MECOM: variants seen among roughly 807,000 people sequenced by gnomAD.
MECOM encodes the protein MDS1 and EVI1 complex locus, also known as histone-lysine N-methyltransferase MECOM.
In MECOM, 13 loss-of-function variants were observed where a neutral mutation model predicts 116.3. The ratio of observed to expected loss-of-function variants is 0.11; its 90% CI spans 0.07 to 0.18. MECOM has a LOEUF of 0.18. MECOM is among the 10% of genes least tolerant of loss of function. The pLI is 1.00. For missense variants in MECOM, 1,299 were observed against 1,509.0 expected (o/e 0.86, Z 2.31); for synonymous variants, 528 against 535.2 (o/e 0.99, Z 0.19).
chr3:169,576,838 C>CAGAGAGAGAGAGAG (rs59983835), intron 1 of MECOM, among the ~76,000 whole-genome samples: 18 of 125,012 alleles, frequency 1.4e-4, no homozygotes, highest in Non-Finnish European at 2.9e-4. Flanking sequence ...CACACACACA[C>CAGAGAGAGAGAGAG]AGAGAGAGAG....
At chr3:169,559,045 C>T (rs12490624) in intron 1 of MECOM, among the ~76,000 whole-genome samples, 2,130 of 129,570 alleles carry the variant, frequency 0.016, 25 homozygotes, top group South Asian at 0.041. Flanking sequence ...CACACACACG[C>T]GCACACACAC....
intron 2 of MECOM, among the ~76,000 whole-genome samples, chr3:169,166,613 C>T (rs1367413757): frequency 1.3e-5 from 2 of 151,870 alleles, no homozygotes; most frequent in East Asian, 1.9e-4. Context: ...AAAACAGAGA[C>T]AGAATATTGT....
intron 8 of MECOM, among the ~76,000 whole-genome samples, chr3:169,114,529 C>T (rs1448644691): frequency 1.3e-5 from 2 of 152,238 alleles, no homozygotes; most frequent in East Asian, 1.9e-4. Context: ...TATGAAAATA[C>T]TCCGATGTTA....
intron 1 of MECOM, among the ~76,000 whole-genome samples, chr3:169,541,284 C>T (rs903111110): frequency 2.6e-5 from 4 of 152,196 alleles, no homozygotes; most frequent in Non-Finnish European, 5.9e-5. Flanking sequence ...TAGTTGAGAA[C>T]TGAGAACTGT....
At chr3:169,614,926 T>G (rs1348639385) in intron 1 of MECOM, 7 of 152,250 alleles carry the variant, frequency 4.6e-5, no homozygotes, top group Non-Finnish European at 1.0e-4. Flanking sequence ...GCTGCTAAGT[T>G]CAAGTCCTTC....
intron 7 of MECOM, among the ~76,000 whole-genome samples, chr3:169,117,466 A>G (rs1729535580): frequency 1.3e-5 from 2 of 152,208 alleles, no homozygotes; most frequent in African/African-American, 2.4e-5. Flanking sequence ...GCTGGTTCCC[A>G]TGAACTATGA....
At chr3:169,368,704 G>C (rs1729591109) in intron 2 of MECOM, among the ~76,000 whole-genome samples, 1 of 151,964 alleles carries the variant, frequency 6.6e-6, no homozygotes, top group Non-Finnish European at 1.5e-5. Flanking sequence ...TCTCAATTAA[G>C]TATTCTAGAA....
intron 2 of MECOM, among the ~76,000 whole-genome samples, chr3:169,292,786 G>A (rs1053828390): frequency 6.6e-6 from 1 of 152,132 alleles, no homozygotes; most frequent in Non-Finnish European, 1.5e-5. Flanking sequence ...ATCTGAATTC[G>A]GGTATTGCAG....
At chr3:169,536,974 C>T (rs981312787) in intron 1 of MECOM, among the ~76,000 whole-genome samples, 9 of 152,122 alleles carry the variant, frequency 5.9e-5, no homozygotes, top group Admixed American at 2.6e-4. Context: ...TTGTTGCTAG[C>T]ACCCAAGGCC....
intron 2 of MECOM, among the ~76,000 whole-genome samples, chr3:169,242,395 T>C (rs1286708966): frequency 2.6e-5 from 4 of 152,190 alleles, no homozygotes; most frequent in Non-Finnish European, 5.9e-5. Flanking sequence ...ACAGCCCCCT[T>C]AGACTCTACC....
At chr3:169,424,501 A>T (rs1740314775) in intron 1 of MECOM, among the ~76,000 whole-genome samples, 1 of 152,142 alleles carries the variant, frequency 6.6e-6, no homozygotes, top group Non-Finnish European at 1.5e-5. Context: ...ATGATCAGAG[A>T]CCTAGAAGAC....
chr3:169,238,764 GT>G (rs1754414121), intron 2 of MECOM, among the ~76,000 whole-genome samples: 1 of 152,254 alleles, frequency 6.6e-6, no homozygotes, highest in East Asian at 1.9e-4. Context: ...GGAAATTTCA[GT>G]TTGAATATTA....
intron 2 of MECOM, among the ~76,000 whole-genome samples, chr3:169,188,791 A>G (rs925696801): frequency 5.3e-5 from 8 of 152,100 alleles, no homozygotes; most frequent in Non-Finnish European, 1.0e-4. Flanking sequence ...TAGGTCATCA[A>G]TGAAGCTGAA....
intron 2 of MECOM, among the ~76,000 whole-genome samples, chr3:169,255,363 G>A (rs1328836554): frequency 1.3e-5 from 2 of 152,052 alleles, no homozygotes; most frequent in South Asian, 4.1e-4. Flanking sequence ...ACAAAACCTG[G>A]AGACTTCATT....
Position 169,333,349 on chromosome 3 carries a change from T to C in MECOM, c.375+47838A>G, listed in dbSNP as rs183422252. On this transcript the variant is annotated intron_variant, in intron 2 of 16. Coordinates refer to ENST00000651503, the MANE Select transcript of MECOM (RefSeq NM_004991.4). ...GGCCAAGCCAGCGAGAAGGAGAAAA[T>C]AGCCACTGTATTTTAGGAATTAAAT... Among the ~76,000 whole-genome samples, 107 of 151,928 alleles carry C rather than the reference T, an allele frequency of 7.0e-4. 1 individual carries two copies. The highest frequency in any genetic ancestry group is 1.2e-3 in the Non-Finnish European group (81 of 67,984).
chr3:169,299,683 T>C (rs7612163), intron 2 of MECOM, among the ~76,000 whole-genome samples: 84,502 of 151,934 alleles, frequency 0.56, 25,581 homozygotes, highest in East Asian at 0.87. Context: ...TCCATATATA[T>C]CAGCACACTG....
chr3:169,576,301 T>C lies in MECOM; in HGVS notation c.37+87035A>G, dbSNP rs920645137. On this transcript the variant is annotated intron_variant, in intron 1 of 16. Transcript: ENST00000651503. ...AGTACCAACAGTATGCTAGGCACAA[T>C]AGACATAGGGGGCCATAAAAACATA... Among the ~76,000 whole-genome samples the C allele has an allele frequency of 9.2e-5, 14 of 152,166 alleles. 1 individual carries two copies. Among genetic ancestry groups the C allele is most frequent in the Admixed American group, 3.3e-4 (5 of 15,286 alleles).
chr3:169,390,131 G>T (rs1457167371), intron 1 of MECOM, among the ~76,000 whole-genome samples: 1 of 152,110 alleles, frequency 6.6e-6, no homozygotes, highest in East Asian at 1.9e-4. Context: ...GCTGCTTGGG[G>T]TCTCTGTTTC....
intron 16 of MECOM, chr3:169,086,477 A>C: frequency 1.5e-6 from 1 of 656,382 alleles, no homozygotes; most frequent in South Asian, 1.7e-5. Context: ...TTGGAATTTA[A>C]ATTTTAATCC....
Sources: gnomAD v4.1 joint callset for allele counts (sites outside exome capture counted in the v4.1 genomes callset) on GRCh38, gnomAD v4.1.1 for gene constraint, MANE v1.5 for transcripts, NCBI Gene and HGNC (gene_info 2026-07-23, HGNC 2026-07-21) for gene names.